The following MYH14 variants were observed in gnomAD, a reference collection of about 807,000 sequenced individuals.
The protein encoded by MYH14 is myosin heavy chain 14.
MYH14 carries 123 observed loss-of-function variants against 255.5 expected under a neutral mutation model. That is an observed-to-expected ratio of 0.48 (90% CI 0.42 to 0.56). The LOEUF is 0.56. MYH14 is among the 20% of genes least tolerant of loss of function. MYH14 has a pLI of 0.00. For missense variants in MYH14, 2,423 were observed against 2,802.3 expected (o/e 0.86, Z 3.06); for synonymous variants, 1,095 against 1,161.2 (o/e 0.94, Z 1.16).
Position 50,266,760 on chromosome 19 carries a change from G to A in MYH14, c.2695-117G>A. 1 of 1,370,116 alleles carries A rather than the reference G, an allele frequency of 7.3e-7. No individual in the cohort carries two copies. The highest frequency in any genetic ancestry group is 1.0e-6 in the Non-Finnish European group (1 of 995,086). The allele number at this position is 1,370,116 out of a possible 1,614,324, so 84.9% of individuals were successfully genotyped here. On this transcript the variant is annotated intron_variant, in intron 22 of 42. Transcript: ENST00000642316. This position sits in a 1 kb window ranked among gnomAD's most constrained non-coding sequence, Gnocchi z 4.1. ...GACCAGGGACTGTTGCCAAGGCGGG[G>A]ACACACAGCTAATAGGTGGAGGAGA...
In MYH14 at chr19:50,230,705, C is replaced by A; in HGVS notation, c.973+82C>A. On this transcript the variant is annotated intron_variant, in intron 9 of 42. Transcript: ENST00000642316. This position sits in a 1 kb window ranked among gnomAD's most constrained non-coding sequence, Gnocchi z 4.7. ...TCGGGGGCCCCTTCTGGGGAGGAAGCAAGAGTGGGGGGCTCTAATATCCGT... is the reference window on the plus strand; with the variant it reads ...TCGGGGGCCCCTTCTGGGGAGGAAGAAAGAGTGGGGGGCTCTAATATCCGT... 1 of 1,184,504 alleles carries A rather than the reference C, an allele frequency of 8.4e-7. No homozygotes were observed. The highest frequency in any genetic ancestry group is 1.2e-6 in the Non-Finnish European group (1 of 826,720). 73.4% of individuals were successfully genotyped at this position (1,184,504 alleles called of 1,614,324 possible). A position where few individuals can be genotyped will look rare whatever the true frequency, so the allele number is the denominator to read the frequency against.
chr19:50,240,307 G>C (rs1291017729), intron 10 of MYH14, among the ~76,000 whole-genome samples: 1 of 152,166 alleles, frequency 6.6e-6, no homozygotes, highest in Non-Finnish European at 1.5e-5. Flanking sequence ...ACGCCGGCAC[G>C]GTGGCTTATG....
intron 21 of MYH14, 33 bp from the exon 22 acceptor site, chr19:50,263,279 C>T: frequency 7.1e-7 from 1 of 1,414,526 alleles, no homozygotes; most frequent in Non-Finnish European, 9.5e-7. Context: ...CCTGGAGGCT[C>T]CCACTCTGCC....
At position 50,230,411 on chromosome 19, in the gene MYH14, C is replaced by G; in HGVS notation, c.875-114C>G. ...AGTCACCAGCCTGGGCTGTGAGCGA[C>G]TCCACTACACCACAGGAGAGAAGGG... On this transcript the variant is annotated intron_variant, in intron 8 of 42. Transcript: ENST00000642316. The surrounding 1 kb of genome is among the most constrained non-coding windows in gnomAD (Gnocchi z 4.7). The G allele has an allele frequency of 2.2e-6, 2 of 915,294 alleles. No individual in the cohort carries two copies. The highest frequency in any genetic ancestry group is 3.4e-6 in the Non-Finnish European group (2 of 579,798). 56.7% of individuals were successfully genotyped at this position (915,294 alleles called of 1,614,324 possible). A position where few individuals can be genotyped will look rare whatever the true frequency, so the allele number is the denominator to read the frequency against.
Position 50,309,938 on chromosome 19 carries a change from G to A in MYH14, c.*148G>A. 1 of 819,654 alleles carries A rather than the reference G, an allele frequency of 1.2e-6. No homozygotes were observed. Among genetic ancestry groups the A allele is most frequent in the East Asian group, 2.7e-5 (1 of 37,654 alleles). 50.8% of individuals were successfully genotyped at this position (819,654 alleles called of 1,614,324 possible). On this transcript the variant is annotated 3_prime_UTR_variant, in exon 43 of 43. Transcript: ENST00000642316. ...CTCTGGCATTTATCACCCCCACCTG[G>A]GTCCCCTGCAACCTCCCATCAAAGG... is the stretch of plus-strand genomic sequence containing the variant.
At chr19:50,281,926 T>A (rs2035740114) in intron 33 of MYH14, 84 bp downstream of exon 33, 1 of 1,460,452 alleles carries the variant, frequency 6.8e-7, no homozygotes, top group South Asian at 1.3e-5. Flanking sequence ...CAGTAATCCG[T>A]GCTGTCACGG....
At chr19:50,249,190 G>A in intron 13 of MYH14, 51 bp downstream of exon 13, 1 of 1,508,302 alleles carries the variant, frequency 6.6e-7, no homozygotes, top group Non-Finnish European at 8.9e-7. Context: ...TCCGGTCCTG[G>A]TCCTTTCTGA....
In MYH14 at chr19:50,230,565, C is replaced by G; in HGVS notation, c.915C>G (p.Asp305Glu). ...CGCGGGCCATCCGCCAGGCCAAGGA[C>G]GAGTGCAGCTTCCACATCTTCTACC... Reference protein sequence around the residue: ...EKSRAIRQAKDECSFHIFYQL... With the variant: ...EKSRAIRQAKEECSFHIFYQL... The change falls in exon 9 of 43, where the codon GAC becomes GAG. Residue 305 changes from aspartate (D) to glutamate (E), a missense_variant. By Grantham distance (45) the Asp-to-Glu change is conservative. Transcript: ENST00000642316. This position sits in a 1 kb window ranked among gnomAD's most constrained non-coding sequence, Gnocchi z 4.7. 6.4e-7 allele frequency: 1 copy of G among 1,572,100 alleles called. No homozygotes were observed. The highest frequency in any genetic ancestry group is 1.2e-5 in the South Asian group (1 of 85,208).
intron 10 of MYH14, among the ~76,000 whole-genome samples, chr19:50,237,212 A>G (rs543415995): frequency 8.5e-5 from 13 of 152,318 alleles, no homozygotes; most frequent in African/African-American, 3.1e-4. Context: ...TGCAGAATGT[A>G]ATGAATGCCC....
chr19:50,261,993 G>C (rs1305615377), intron 21 of MYH14, among the ~76,000 whole-genome samples: 1 of 152,168 alleles, frequency 6.6e-6, no homozygotes, highest in Non-Finnish European at 1.5e-5. Context: ...CCAGTCCCTC[G>C]AGGGGCTCCA....
At chr19:50,307,278 G>A in intron 41 of MYH14, 121 bp downstream of exon 41, 1 of 629,910 alleles carries the variant, frequency 1.6e-6, no homozygotes, top group Non-Finnish European at 2.9e-6. Context: ...GTGCTGGACT[G>A]GAACTGAATG....
chr19:50,249,787 C>CGACCT lies in MYH14; in HGVS notation c.1622_1626dup (p.Gln543ThrfsTer40), dbSNP rs1568498006. 1 of 1,614,234 alleles carries CGACCT rather than the reference C, an allele frequency of 6.2e-7. No homozygotes were observed. Among genetic ancestry groups the CGACCT allele is most frequent in the Non-Finnish European group, 8.5e-7 (1 of 1,180,042 alleles). Reference sequence around the variant, plus strand: ...CCTGGACCTTCCTCGACTTTGGCCTCGACCTGCAGCCCTGCATCGACCTCA... The same window carrying CGACCT: ...CCTGGACCTTCCTCGACTTTGGCCTCGACCTGACCTGCAGCCCTGCATCGACCTCA... On this transcript the variant is annotated frameshift_variant, in exon 14 of 43. Coordinates refer to ENST00000642316, the MANE Select transcript of MYH14 (RefSeq NM_001145809.2). LOFTEE classifies it high-confidence loss of function.
chr19:50,297,981 G>A (rs1176008423), intron 39 of MYH14, among the ~76,000 whole-genome samples: 2 of 152,240 alleles, frequency 1.3e-5, no homozygotes, highest in South Asian at 4.1e-4. Context: ...TGCATGGGGA[G>A]GGCATGGGGG....
chr19:50,204,772 G>A (rs779526614), intron 1 of MYH14, among the ~76,000 whole-genome samples: 1 of 152,182 alleles, frequency 6.6e-6, no homozygotes, highest in East Asian at 1.9e-4. Context: ...GCGTGACCCT[G>A]CTGTCCCAGC....
In MYH14 at chr19:50,289,409, G is replaced by C. The variant is rs1483582027; in HGVS notation, c.4753-27G>C. ...AACCTCCTCTGCCTCAGTGACCCAG[G>C]TACCCAGCAGCTACTCTCCCCACCA... On this transcript the variant is annotated intron_variant, in intron 34 of 42. Coordinates refer to ENST00000642316, the MANE Select transcript of MYH14 (RefSeq NM_001145809.2). The C allele has an allele frequency of 4.4e-6, 7 of 1,579,790 alleles. No homozygotes were observed. In the East Asian group the frequency reaches 1.6e-4, roughly 37 times the overall value.
intron 10 of MYH14, among the ~76,000 whole-genome samples, chr19:50,232,610 A>AC (rs2033459617): frequency 6.6e-6 from 1 of 150,712 alleles, no homozygotes; most frequent in Non-Finnish European, 1.5e-5. Context: ...AAAAAAAAAA[A>AC]AAAAAACAAA....
intron 2 of MYH14, among the ~76,000 whole-genome samples, chr19:50,212,282 A>G (rs2032238889): frequency 6.6e-6 from 1 of 152,212 alleles, no homozygotes; most frequent in African/African-American, 2.4e-5. Flanking sequence ...AGGAGGTTCT[A>G]ATGGGCAGCC....
chr19:50,260,466 T>C (rs1370554746), intron 19 of MYH14, among the ~76,000 whole-genome samples, 180 bp from the exon 20 acceptor site: 1 of 152,118 alleles, frequency 6.6e-6, no homozygotes, highest in Non-Finnish European at 1.5e-5. Context: ...TCGATCATTG[T>C]CGATGTTGCT....
Position 50,280,277 on chromosome 19 carries a change from G to A in MYH14, c.4184G>A (p.Arg1395Gln), listed in dbSNP as rs1360684765. 8 of 1,551,564 alleles carry A rather than the reference G, an allele frequency of 5.2e-6. No individual in the cohort carries two copies. Among genetic ancestry groups the A allele is most frequent in the South Asian group, 3.6e-5 (3 of 84,050 alleles). The change falls in exon 32 of 43, where the codon CGG becomes CAG. Residue 1395 changes from arginine (R) to glutamine (Q), a missense_variant. This residue lies in a region of MYH14 where 1,513 missense variants were observed against 1,674.8 expected (regional missense o/e 0.90). Coordinates refer to ENST00000642316, the MANE Select transcript of MYH14 (RefSeq NM_001145809.2). The surrounding 1 kb of genome is among the most constrained non-coding windows in gnomAD (Gnocchi z 4.8). ...AGGGCGAAATTGGCCTTGGGGTCCC[G>A]GGTGCGAGCCATGGAGGCTGAGGCA... ...ETRAKLALGS[R>Q]VRAMEAEAAG... is the part of the protein sequence containing the mutation.
Sources: allele counts gnomAD v4.1 joint callset (sites outside exome capture counted in the v4.1 genomes callset), GRCh38; gene constraint gnomAD v4.1.1; regional missense constraint gnomAD v4.1.1; non-coding constraint Gnocchi (gnomAD v3.1); transcripts MANE v1.5; gene names NCBI Gene and HGNC (gene_info 2026-07-23, HGNC 2026-07-21).